Variants in PTPRD observed in about 807,000 individuals in gnomAD.
The protein encoded by PTPRD is receptor-type tyrosine-protein phosphatase delta.
PTPRD carries 34 observed loss-of-function variants against 214.5 expected under a neutral mutation model. That is an observed-to-expected ratio of 0.16 (90% confidence interval 0.12 to 0.21). The LOEUF (loss-of-function observed/expected upper bound fraction) is 0.21, where lower values mean the gene tolerates loss of function less well. PTPRD is among the 10% of genes least tolerant of loss of function. The pLI, the probability that PTPRD is intolerant of heterozygous loss-of-function variation, is 1.00. For synonymous variants in PTPRD, 1,128 were observed against 845.7 expected (o/e 1.33, Z -5.79); for missense variants, 2,545 against 2,398.7 (o/e 1.06, Z -1.27).
chr9:9,218,562 G>A (rs2099953773), intron 9 of PTPRD, among the ~76,000 whole-genome samples: 2 of 152,126 alleles, frequency 1.3e-5, no homozygotes, highest in African/African-American at 4.8e-5. Context: ...CTCTGTGGAA[G>A]CCTTCTAAGT....
intron 2 of PTPRD, among the ~76,000 whole-genome samples, chr9:10,538,620 CCT>C (rs1471447974): frequency 5.3e-5 from 8 of 151,918 alleles, no homozygotes; most frequent in Non-Finnish European, 1.0e-4. Context: ...CTGATTCTCC[CCT>C]CTCATCTCCC....
At chr9:9,854,695 T>A (rs917531327) in intron 5 of PTPRD, among the ~76,000 whole-genome samples, 23 of 152,266 alleles carry the variant, frequency 1.5e-4, no homozygotes, top group African/African-American at 5.5e-4. Context: ...TGAATTATAA[T>A]CCAGTTTTTT....
intron 5 of PTPRD, among the ~76,000 whole-genome samples, chr9:9,846,800 G>C (rs985961963): frequency 4.6e-5 from 7 of 152,090 alleles, no homozygotes; most frequent in African/African-American, 1.7e-4. Context: ...GCTGGAGGAA[G>C]GAGGATTTCC....
chr9:8,752,990 T>C (rs1382618627), intron 11 of PTPRD, among the ~76,000 whole-genome samples: 2 of 152,262 alleles, frequency 1.3e-5, no homozygotes, highest in Non-Finnish European at 2.9e-5. Flanking sequence ...GTGTATGTTT[T>C]CTTCAGTACA....
intron 8 of PTPRD, among the ~76,000 whole-genome samples, chr9:9,412,435 C>T (rs865970773): frequency 6.6e-6 from 1 of 151,692 alleles, no homozygotes; most frequent in Middle Eastern, 3.4e-3. Flanking sequence ...CAGCATGCAG[C>T]CCATACAGGT....
At chr9:8,431,185 C>T (rs2132172690) in intron 35 of PTPRD, among the ~76,000 whole-genome samples, 1 of 152,286 alleles carries the variant, frequency 6.6e-6, no homozygotes, top group South Asian at 2.1e-4. Context: ...AGTTTGCTCT[C>T]TGGCATTTAA....
chr9:8,560,346 G>T (rs1002786022), intron 14 of PTPRD, among the ~76,000 whole-genome samples: 3 of 151,544 alleles, frequency 2.0e-5, no homozygotes, highest in African/African-American at 4.9e-5. Context: ...TGATAACAAG[G>T]CCAAATGCAA....
intron 5 of PTPRD, among the ~76,000 whole-genome samples, chr9:9,915,521 TAAAG>T (rs1480216395): frequency 6.6e-6 from 1 of 150,966 alleles, no homozygotes; most frequent in Non-Finnish European, 1.5e-5. Flanking sequence ...AGAAATTAAA[TAAAG>T]AGATAGATAT....
rs2099515439 is a variant in PTPRD at position 10,211,223 on chromosome 9, G to C, written c.-545+129740C>G. ...GACGAAATAGAAGTTCATAGCAACA[G>C]AAATAAAAGCCATTGATTTAAGTGC... On this transcript the variant is annotated intron_variant, in intron 3 of 45. Coordinates refer to ENST00000381196, the MANE Select transcript of PTPRD (RefSeq NM_002839.4). Among the ~76,000 whole-genome samples the C allele has an allele frequency of 2.0e-5, 3 of 151,944 alleles. No individual in the cohort carries two copies. In the South Asian group the frequency reaches 6.2e-4, roughly 32 times the overall value.
intron 39 of PTPRD, among the ~76,000 whole-genome samples, chr9:8,351,330 A>T (rs967941416): frequency 6.6e-6 from 1 of 152,174 alleles, no homozygotes; most frequent in African/African-American, 2.4e-5. Flanking sequence ...TACACAAATC[A>T]GAATAGTTCT....
intron 5 of PTPRD, among the ~76,000 whole-genome samples, chr9:9,931,968 C>A (rs148731972): frequency 2.0e-5 from 3 of 151,968 alleles, no homozygotes; most frequent in South Asian, 2.1e-4. Flanking sequence ...CAGGGGCACA[C>A]TGACACCTCA....
At chr9:8,334,082 T>C (rs1392413629) in intron 43 of PTPRD, among the ~76,000 whole-genome samples, 1 of 152,058 alleles carries the variant, frequency 6.6e-6, no homozygotes, top group Non-Finnish European at 1.5e-5. Flanking sequence ...TCCCACACAA[T>C]AATAATAGGA....
chr9:9,937,220 T>G (rs938968204), intron 5 of PTPRD, among the ~76,000 whole-genome samples: 1 of 151,052 alleles, frequency 6.6e-6, no homozygotes, highest in Non-Finnish European at 1.5e-5. Context: ...AAACTTAAAG[T>G]AAAATAATAA....
At chr9:8,889,409 G>A (rs2098518540) in intron 11 of PTPRD, among the ~76,000 whole-genome samples, 1 of 152,084 alleles carries the variant, frequency 6.6e-6, no homozygotes, top group African/African-American at 2.4e-5. Context: ...TGAATAATGA[G>A]CAAATCATAC....
At chr9:10,381,998 T>C (rs1418031488) in intron 2 of PTPRD, among the ~76,000 whole-genome samples, 1 of 151,924 alleles carries the variant, frequency 6.6e-6, no homozygotes, top group Non-Finnish European at 1.5e-5. Flanking sequence ...ATCTTCCCAG[T>C]TCACAAGTAA....
intron 11 of PTPRD, among the ~76,000 whole-genome samples, chr9:8,830,084 T>A (rs1865339): frequency 0.2 from 31,157 of 152,074 alleles, 3,529 homozygotes; most frequent in East Asian, 0.33. Flanking sequence ...CTAGTCTCCT[T>A]ACATTTATTA....
chr9:8,610,533 C>T (rs532958973), intron 14 of PTPRD, among the ~76,000 whole-genome samples: 70 of 152,294 alleles, frequency 4.6e-4, no homozygotes, highest in Middle Eastern at 6.8e-3. Flanking sequence ...ATGCTTCTTT[C>T]CTCTCTGTTA....
At chr9:9,723,803 T>A (rs1197670836) in intron 7 of PTPRD, among the ~76,000 whole-genome samples, 2 of 152,114 alleles carry the variant, frequency 1.3e-5, no homozygotes. Flanking sequence ...TATTTTCATA[T>A]TTGGGCTGTT....
chr9:10,381,096 A>G (rs1375320408), intron 2 of PTPRD, among the ~76,000 whole-genome samples: 2 of 151,812 alleles, frequency 1.3e-5, no homozygotes, highest in East Asian at 3.9e-4. Flanking sequence ...ATTAAAATAT[A>G]AGACCAAAAA....
Sources: allele counts gnomAD v4.1 joint callset (sites outside exome capture counted in the v4.1 genomes callset), GRCh38; gene constraint gnomAD v4.1.1; transcripts MANE v1.5; gene names NCBI Gene and HGNC (gene_info 2026-07-23, HGNC 2026-07-21).